Variants in MACROD2 observed in about 807,000 individuals in gnomAD.
MACROD2 encodes ADP-ribose glycohydrolase MACROD2.
In MACROD2, 36 loss-of-function variants were observed where a neutral mutation model predicts 70.4. That is an observed-to-expected ratio of 0.51 (90% CI 0.39 to 0.68). The LOEUF (loss-of-function observed/expected upper bound fraction) is 0.68. MACROD2 is among the 30% of genes least tolerant of loss of function. The pLI is 0.00. For missense variants in MACROD2, 496 were observed against 538.4 expected (o/e 0.92, Z 0.78); for synonymous variants, 172 against 178.8 (o/e 0.96, Z 0.30).
At chr20:14,825,541 G>A (rs2072892066) in intron 5 of MACROD2, among the ~76,000 whole-genome samples, 1 of 152,022 alleles carries the variant, frequency 6.6e-6, no homozygotes, top group Non-Finnish European at 1.5e-5. Context: ...TCATGCACAT[G>A]GCCATGAAAT....
chr20:15,530,608 T>C (rs1253379306), intron 8 of MACROD2, among the ~76,000 whole-genome samples: 1 of 150,990 alleles, frequency 6.6e-6, no homozygotes, highest in African/African-American at 2.4e-5. Flanking sequence ...GGCAGGCGCC[T>C]GTAGTCCCAG....
At chr20:15,503,526 A>G (rs199548168) in intron 8 of MACROD2, among the ~76,000 whole-genome samples, 1 of 152,172 alleles carries the variant, frequency 6.6e-6, no homozygotes, top group South Asian at 2.1e-4. Context: ...CTACATTCTT[A>G]AAAAAAGTCT....
intron 11 of MACROD2, among the ~76,000 whole-genome samples, chr20:15,934,152 ACT>A (rs1206743689): frequency 2.0e-5 from 3 of 152,014 alleles, no homozygotes; most frequent in Non-Finnish European, 2.9e-5. Flanking sequence ...TATTCTCCCA[ACT>A]CTAATAAGCC....
At chr20:14,114,282 G>C (rs1054847574) in intron 3 of MACROD2, among the ~76,000 whole-genome samples, 5 of 152,110 alleles carry the variant, frequency 3.3e-5, no homozygotes, top group African/African-American at 1.2e-4. Flanking sequence ...AAATGGGCTT[G>C]GCTTAGGACC....
At chr20:15,040,354 CAAT>C (rs1463572539) in intron 5 of MACROD2, among the ~76,000 whole-genome samples, 2 of 151,862 alleles carry the variant, frequency 1.3e-5, no homozygotes, top group African/African-American at 2.4e-5. Flanking sequence ...CAGCCCCTCT[CAAT>C]AGTGTATTTG....
intron 2 of MACROD2, among the ~76,000 whole-genome samples, chr20:14,031,986 A>G (rs1012899579): frequency 1.3e-5 from 2 of 152,106 alleles, no homozygotes; most frequent in African/African-American, 4.8e-5. Context: ...TGGCATTAAG[A>G]TCTGTGCTCT....
intron 3 of MACROD2, among the ~76,000 whole-genome samples, chr20:14,342,271 T>G (rs1358488842): frequency 6.6e-6 from 1 of 152,204 alleles, no homozygotes; most frequent in Non-Finnish European, 1.5e-5. Context: ...GATCAGCTCA[T>G]TTTCAGAGGT....
intron 4 of MACROD2, among the ~76,000 whole-genome samples, chr20:14,563,214 G>C (rs1979551547): frequency 6.6e-6 from 1 of 151,798 alleles, no homozygotes; most frequent in Non-Finnish European, 1.5e-5. Flanking sequence ...CATGAAGCTA[G>C]GGTACGTTAG....
At chr20:15,080,759 T>C (rs981520776) in intron 5 of MACROD2, among the ~76,000 whole-genome samples, 1 of 152,130 alleles carries the variant, frequency 6.6e-6, no homozygotes, top group Admixed American at 6.6e-5. Flanking sequence ...AAAAGAACTA[T>C]GAGTGTCCAA....
chr20:14,537,088 A>G (rs2085375674), intron 4 of MACROD2, among the ~76,000 whole-genome samples: 1 of 151,892 alleles, frequency 6.6e-6, no homozygotes, highest in Admixed American at 6.6e-5. Context: ...TTTTCTGTTC[A>G]CTCTCATTCT....
intron 6 of MACROD2, among the ~76,000 whole-genome samples, chr20:15,317,386 A>G (rs1212985875): frequency 1.3e-5 from 2 of 152,016 alleles, no homozygotes; most frequent in African/African-American, 4.8e-5. Flanking sequence ...CTAGAAACAT[A>G]CAATGTAGCA....
intron 4 of MACROD2, 90 bp from the exon 5 acceptor site, chr20:14,684,753 A>C: frequency 9.4e-7 from 1 of 1,058,312 alleles, no homozygotes; most frequent in Non-Finnish European, 1.4e-6. Context: ...TACAGGAAGA[A>C]CAAATTGAGT....
rs1555800385 is a variant in MACROD2 at position 14,536,656 on chromosome 20, T to TGTGA, written c.301+43151_301+43152insAGTG. On this transcript the variant is annotated intron_variant, in intron 4 of 17. Coordinates refer to ENST00000684519, the MANE Select transcript of MACROD2 (RefSeq NM_001351661.2). ...GTGTGTGTGTGTGTGTGTGTGTGTG[T>TGTGA]GTGTGTGCATGCATGTGTGCCTGCA... 1.3e-3 allele frequency among the ~76,000 whole-genome samples: 192 copies of TGTGA among 147,324 alleles called. 1 individual carries two copies. The highest frequency in any genetic ancestry group is 0.01 in the Middle Eastern group (3 of 286).
intron 3 of MACROD2, among the ~76,000 whole-genome samples, chr20:14,144,756 G>A (rs754645129): frequency 6.6e-6 from 1 of 152,044 alleles, no homozygotes. Flanking sequence ...TGTTTGTGAG[G>A]ATAGTTGAGG....
At chr20:14,109,608 A>G (rs762066990) in intron 3 of MACROD2, among the ~76,000 whole-genome samples, 2 of 151,936 alleles carry the variant, frequency 1.3e-5, no homozygotes, top group Admixed American at 6.6e-5. Context: ...ACTAGTAGCT[A>G]CTATGAGCAA....
chr20:15,563,783 G>A (rs2048275812), intron 8 of MACROD2, among the ~76,000 whole-genome samples: 1 of 152,150 alleles, frequency 6.6e-6, no homozygotes, highest in Admixed American at 6.5e-5. Context: ...TTGAAAGACA[G>A]GGATATAGCA....
intron 6 of MACROD2, among the ~76,000 whole-genome samples, chr20:15,237,157 A>AT (rs2077020797): frequency 6.6e-6 from 1 of 152,234 alleles, no homozygotes; most frequent in African/African-American, 2.4e-5. Flanking sequence ...AAACCTGTTT[A>AT]TAAACACCAA....
intron 8 of MACROD2, among the ~76,000 whole-genome samples, chr20:15,749,631 G>A (rs2051237650): frequency 6.6e-6 from 1 of 151,988 alleles, no homozygotes; most frequent in Non-Finnish European, 1.5e-5. Context: ...TTTATTTATT[G>A]AGAATATAAA....
rs1429538792 is a variant in MACROD2, at chr20:15,190,716, AGGAGTGAGG to A, written c.419-39220_419-39212del. Among the ~76,000 whole-genome samples, 4 of 152,278 alleles carry A rather than the reference AGGAGTGAGG, an allele frequency of 2.6e-5. No homozygotes were observed. In the East Asian group the frequency reaches 7.7e-4, roughly 29 times the overall value. Reference sequence around the variant, plus strand: ...GCACCAGGCCCAGTCAGCAGGCAAAAGGAGTGAGGGGAAAGGGTGCACAGGAGGCCTTAG... The same window carrying A: ...GCACCAGGCCCAGTCAGCAGGCAAAAGGAAAGGGTGCACAGGAGGCCTTAG... On this transcript the variant is annotated intron_variant, in intron 5 of 17. Coordinates refer to ENST00000684519, the MANE Select transcript of MACROD2 (RefSeq NM_001351661.2).
Sources: allele counts gnomAD v4.1 joint callset (sites outside exome capture counted in the v4.1 genomes callset), GRCh38; gene constraint gnomAD v4.1.1; transcripts MANE v1.5; gene names NCBI Gene and HGNC (gene_info 2026-07-23, HGNC 2026-07-21).